AGBL1: variants seen among roughly 807,000 people sequenced by gnomAD.
The protein encoded by AGBL1 is AGBL carboxypeptidase 1, also known as cytosolic carboxypeptidase 4.
In AGBL1, 130 loss-of-function variants were observed where a neutral mutation model predicts 118.9. The observed-to-expected ratio is 1.09, with a 90% CI of 0.95 to 1.26. The LOEUF (loss-of-function observed/expected upper bound fraction) is 1.26, where lower values mean the gene tolerates loss of function less well. Ranked by LOEUF, AGBL1 falls within the 50% of genes most tolerant of loss-of-function variation. The probability of loss-of-function intolerance (pLI) is 0.00; values close to 1 mark genes in which losing one functional copy is unlikely to be tolerated. For synonymous variants in AGBL1, 555 were observed against 478.9 expected, an observed-to-expected ratio of 1.16 and a Z score of -2.08; for missense variants, 1,584 against 1,298.1, an observed-to-expected ratio of 1.22 and a Z score of -3.38.
At chr15:86,439,291 G>A (rs1021065992) in intron 18 of AGBL1, among the ~76,000 whole-genome samples, 7 of 152,090 alleles carry the variant, frequency 4.6e-5, no homozygotes, top group African/African-American at 7.2e-5. Context: ...CTCAAGGGTC[G>A]CAAATTTGAA....
rs2086521984 is a variant in AGBL1 at position 86,709,827 on chromosome 15, A to G, written c.3158+35391A>G. On this transcript the variant is annotated intron_variant, in intron 22 of 22. Transcript: ENST00000614907. ...TCTAAATCATAGTTTCCCTATTTAAAGTTTCTATCATAGAGTCTGGCCCAT... is the reference window on the plus strand; with the variant it reads ...TCTAAATCATAGTTTCCCTATTTAAGGTTTCTATCATAGAGTCTGGCCCAT... 1.3e-5 allele frequency among the ~76,000 whole-genome samples: 2 copies of G among 152,164 alleles called. 1 individual carries two copies. Among genetic ancestry groups the G allele is most frequent in the Admixed American group, 1.3e-4 (2 of 15,266 alleles).
intron 21 of AGBL1, among the ~76,000 whole-genome samples, chr15:86,619,807 G>A (rs953649483): frequency 1.3e-5 from 2 of 152,166 alleles, no homozygotes; most frequent in Non-Finnish European, 2.9e-5. Flanking sequence ...GGCCTCAGAA[G>A]AAGGAACATT....
chr15:86,584,161 T>C (rs768462705), intron 21 of AGBL1, among the ~76,000 whole-genome samples: 3 of 152,188 alleles, frequency 2.0e-5, no homozygotes, highest in Non-Finnish European at 4.4e-5. Context: ...GATAGTTTCT[T>C]TTGCTGTGCA....
intron 5 of AGBL1, among the ~76,000 whole-genome samples, chr15:86,175,726 A>G (rs150918925): frequency 2.4e-4 from 37 of 152,296 alleles, no homozygotes; most frequent in African/African-American, 7.5e-4. Context: ...AAGAATTTTT[A>G]AATTTCCTTC....
chr15:86,948,995 G>A (rs1216462933), intron 23 of AGBL1, among the ~76,000 whole-genome samples: 1 of 152,140 alleles, frequency 6.6e-6, no homozygotes, highest in Non-Finnish European at 1.5e-5. Context: ...GAATAGTAGT[G>A]ACAGGAACTG....
At chr15:86,903,464 A>G (rs1288479887) in intron 22 of AGBL1, among the ~76,000 whole-genome samples, 1 of 152,096 alleles carries the variant, frequency 6.6e-6, no homozygotes, top group African/African-American at 2.4e-5. Context: ...CAACACTTAT[A>G]TGCTTTAAAA....
At chr15:86,158,243 A>G (rs1052895880) in intron 4 of AGBL1, among the ~76,000 whole-genome samples, 23 of 152,202 alleles carry the variant, frequency 1.5e-4, no homozygotes, top group African/African-American at 5.5e-4. Context: ...TAGTGAGATG[A>G]GGAAGCTTCA....
intron 6 of AGBL1, among the ~76,000 whole-genome samples, chr15:86,228,235 T>A (rs1257042007): frequency 3.9e-5 from 6 of 152,216 alleles, no homozygotes; most frequent in Non-Finnish European, 4.4e-5. Context: ...TGAGTTTGCC[T>A]CAGCCGAACT....
chr15:86,373,115 G>A (rs2141946922), intron 17 of AGBL1, among the ~76,000 whole-genome samples: 1 of 152,262 alleles, frequency 6.6e-6, no homozygotes, highest in South Asian at 2.1e-4. Flanking sequence ...AGCCTAATGG[G>A]TCATTACCTT....
intron 18 of AGBL1, among the ~76,000 whole-genome samples, chr15:86,433,051 C>T (rs1310510821): frequency 6.6e-6 from 1 of 152,156 alleles, no homozygotes; most frequent in Non-Finnish European, 1.5e-5. Context: ...CCAAGGATGA[C>T]TCAGCTGTGC....
At chr15:86,388,651 C>A (rs2081232059) in intron 17 of AGBL1, among the ~76,000 whole-genome samples, 1 of 152,166 alleles carries the variant, frequency 6.6e-6, no homozygotes, top group Non-Finnish European at 1.5e-5. Context: ...TATTTTGTCT[C>A]AATAAGATTC....
chr15:86,826,558 T>C (rs2079014783), intron 22 of AGBL1, among the ~76,000 whole-genome samples: 1 of 152,128 alleles, frequency 6.6e-6, no homozygotes. Flanking sequence ...GCTTGTTAGA[T>C]ATAGATTTCT....
At chr15:86,303,707 C>T (rs1376295205) in intron 17 of AGBL1, among the ~76,000 whole-genome samples, 1 of 152,066 alleles carries the variant, frequency 6.6e-6, no homozygotes, top group Non-Finnish European at 1.5e-5. Context: ...TAATTCTATA[C>T]AGTTATTACA....
rs767796998 is a variant in AGBL1, at chr15:87,019,512, C to T, written c.3324-9313C>T. The stretch of plus-strand genomic sequence containing the variant: ...TACATGGAAATTGAACAACCTGCTC[C>T]GGAATGATTCTTGGGTAAACAATCA... On this transcript the variant is annotated intron_variant, in intron 24 of 24. Coordinates refer to the AGBL1 transcript ENST00000441037. 5.9e-5 allele frequency among the ~76,000 whole-genome samples: 9 copies of T among 152,102 alleles called. No homozygotes were observed. The South Asian group carries it at 1.2e-3, about 21-fold the overall frequency.
chr15:86,101,631 CT>C (rs563450139), intron 1 of AGBL1, among the ~76,000 whole-genome samples: 2,296 of 131,524 alleles, frequency 0.017, 36 homozygotes, highest in African/African-American at 0.047. Flanking sequence ...TGACATTTGT[CT>C]TTTTTTTTTT....
chr15:86,992,626 ATAAATG>A (rs1400057262), intron 24 of AGBL1, among the ~76,000 whole-genome samples: 10 of 152,132 alleles, frequency 6.6e-5, no homozygotes, highest in African/African-American at 2.4e-4. Context: ...GTGCACCGCC[ATAAATG>A]GACAGATGGC....
chr15:86,918,461 T>G (rs1340770170), downstream of AGBL1, among the ~76,000 whole-genome samples: 1 of 151,974 alleles, frequency 6.6e-6, no homozygotes, highest in Non-Finnish European at 1.5e-5. Flanking sequence ...CACACTTTCT[T>G]CTTCAAATTC....
intron 21 of AGBL1, among the ~76,000 whole-genome samples, chr15:86,639,203 G>A (rs2085152495): frequency 6.6e-6 from 1 of 152,284 alleles, no homozygotes; most frequent in African/African-American, 2.4e-5. Flanking sequence ...TCAAGAAGAG[G>A]CTGTTACACA....
chr15:86,919,741 C>G (rs761667181), downstream of AGBL1, among the ~76,000 whole-genome samples: 1 of 152,196 alleles, frequency 6.6e-6, no homozygotes, highest in Non-Finnish European at 1.5e-5. Flanking sequence ...GAAGCGACTG[C>G]GGCAAGCTCT....
Sources: allele counts gnomAD v4.1 joint callset (sites outside exome capture counted in the v4.1 genomes callset), GRCh38; gene constraint gnomAD v4.1.1; transcripts MANE v1.5; gene names NCBI Gene and HGNC (gene_info 2026-07-23, HGNC 2026-07-21).